The following IL1RAPL2 variants were observed in gnomAD, a reference collection of about 807,000 sequenced individuals.
The protein encoded by IL1RAPL2 is interleukin 1 receptor accessory protein like 2.
IL1RAPL2 carries 3 observed loss-of-function variants against 44.1 expected under a neutral mutation model. The observed-to-expected ratio is 0.07, with a 90% CI of 0.03 to 0.18. The LOEUF (loss-of-function observed/expected upper bound fraction) is 0.18. IL1RAPL2 is among the 10% of genes least tolerant of loss of function. The pLI, the probability that IL1RAPL2 is intolerant of heterozygous loss-of-function variation, is 1.00. For missense variants in IL1RAPL2, 391 were observed against 496.4 expected, an observed-to-expected ratio of 0.79 and a Z score of 2.02; for synonymous variants, 181 against 178.8, an observed-to-expected ratio of 1.01 and a Z score of -0.10.
chrX:105,291,851 C>T (rs1054782839), intron 5 of IL1RAPL2, among the ~76,000 whole-genome samples: 16 of 111,371 alleles, frequency 1.4e-4, no homozygotes, highest in African/African-American at 4.2e-4. Flanking sequence ...CAATTTTGAA[C>T]TGCACAGGTC....
Position 105,097,577 on chromosome X carries a change from C to T in IL1RAPL2, c.83-97898C>T, listed in dbSNP as rs1282967863. 2.7e-5 allele frequency among the ~76,000 whole-genome samples: 3 copies of T among 111,335 alleles called. No individual in the cohort carries two copies. The Admixed American group carries it at 2.9e-4, about 11-fold the overall frequency. On this transcript the variant is annotated intron_variant, in intron 2 of 10. Transcript: ENST00000372582. The stretch of plus-strand genomic sequence containing the variant: ...ATTTCAGCTGAAATTGTATATCTGT[C>T]TGCTGCCACTTTATAAAATTTTTCA...
At chrX:105,088,199 C>A (rs866262110) in intron 2 of IL1RAPL2, among the ~76,000 whole-genome samples, 2 of 111,779 alleles carry the variant, frequency 1.8e-5, no homozygotes, top group Non-Finnish European at 3.8e-5. Flanking sequence ...CCAAGCTGAA[C>A]TGCTGATAAA....
At chrX:105,569,011 G>T (rs1396924487) in intron 6 of IL1RAPL2, among the ~76,000 whole-genome samples, 1 of 111,267 alleles carries the variant, frequency 9.0e-6, no homozygotes, top group East Asian at 2.8e-4. Context: ...ACCATCTCAA[G>T]AAAGTAATGT....
intron 5 of IL1RAPL2, among the ~76,000 whole-genome samples, chrX:105,301,687 T>G (rs147762725): frequency 4.0e-3 from 454 of 112,141 alleles, no homozygotes; most frequent in Middle Eastern, 0.028. Context: ...TCCATGTTGT[T>G]GCAATTGACT....
rs1443489255 is a variant in IL1RAPL2, at chrX:105,094,933, C to T, written c.83-100542C>T. ...TTTATTCCTAAGTATTTTTTTCATG[C>T]TATTACTAATGGGATTGTTTTCTTA... On this transcript the variant is annotated intron_variant, in intron 2 of 10. Transcript: ENST00000372582. Among the ~76,000 whole-genome samples the T allele has an allele frequency of 5.4e-5, 6 of 110,999 alleles. No individual in the cohort carries two copies. In the Admixed American group the frequency reaches 5.8e-4, roughly 11 times the overall value.
chrX:105,292,464 T>G (rs1008180544), intron 5 of IL1RAPL2, among the ~76,000 whole-genome samples: 1 of 112,042 alleles, frequency 8.9e-6, no homozygotes, highest in Admixed American at 9.5e-5. Context: ...TTCCTTATTT[T>G]CCGACTACTT....
chrX:105,277,231 A>G (rs749868204), intron 5 of IL1RAPL2, among the ~76,000 whole-genome samples: 5 of 112,452 alleles, frequency 4.4e-5, no homozygotes, highest in Non-Finnish European at 3.8e-5. Context: ...TCACATGAAC[A>G]TGTACCTCAT....
intron 3 of IL1RAPL2, among the ~76,000 whole-genome samples, chrX:105,210,783 G>T (rs181256122): frequency 2.7e-5 from 3 of 111,335 alleles, no homozygotes; most frequent in African/African-American, 9.8e-5. Context: ...ACATCTAGCT[G>T]CTGCAGAGAT....
At chrX:104,818,135 T>C (rs923891304) in intron 2 of IL1RAPL2, among the ~76,000 whole-genome samples, 2 of 109,057 alleles carry the variant, frequency 1.8e-5, no homozygotes, top group African/African-American at 6.7e-5. Context: ...GGCGGGAGGA[T>C]CATGAGGTCA....
intron 2 of IL1RAPL2, among the ~76,000 whole-genome samples, chrX:105,085,033 C>T (rs2032462455): frequency 8.9e-6 from 1 of 112,013 alleles, no homozygotes; most frequent in Admixed American, 9.5e-5. Context: ...GCTTTCTCTT[C>T]CACCATAATT....
intron 5 of IL1RAPL2, among the ~76,000 whole-genome samples, chrX:105,447,671 A>C (rs1457497841): frequency 1.2e-5 from 1 of 82,967 alleles, no homozygotes; most frequent in Non-Finnish European, 2.1e-5. Flanking sequence ...ATATAAATAT[A>C]TATAAATATA....
intron 5 of IL1RAPL2, among the ~76,000 whole-genome samples, chrX:105,316,056 C>G (rs2034838678): frequency 9.0e-6 from 1 of 110,775 alleles, no homozygotes; most frequent in Non-Finnish European, 1.9e-5. Context: ...GGCGGATCAC[C>G]TGAGGTCAGG....
intron 1 of IL1RAPL2, among the ~76,000 whole-genome samples, chrX:104,646,545 G>A (rs973577121): frequency 5.4e-5 from 6 of 110,658 alleles, no homozygotes; most frequent in African/African-American, 1.6e-4. Flanking sequence ...GGTATCAGTC[G>A]GAATAATTTA....
chrX:104,658,194 A>G (rs1297194041), intron 1 of IL1RAPL2, among the ~76,000 whole-genome samples: 2 of 112,367 alleles, frequency 1.8e-5, no homozygotes, highest in Admixed American at 9.4e-5. Flanking sequence ...ACTGTTCACA[A>G]TAGCAGACTT....
At chrX:105,017,061 A>G (rs766329829) in intron 2 of IL1RAPL2, among the ~76,000 whole-genome samples, 10 of 110,948 alleles carry the variant, frequency 9.0e-5, no homozygotes, top group African/African-American at 2.3e-4. Flanking sequence ...GAATTTTTTC[A>G]TTTCTTCTAG....
chrX:104,620,849 A>G (rs1929380507), intron 1 of IL1RAPL2, among the ~76,000 whole-genome samples: 2 of 105,069 alleles, frequency 1.9e-5, no homozygotes, highest in Admixed American at 2.1e-4. Flanking sequence ...TCAAATGTCA[A>G]GCATCTCAAG....
At chrX:104,585,352 T>TAA (rs1928527094) in intron 1 of IL1RAPL2, among the ~76,000 whole-genome samples, 1 of 13,646 alleles carries the variant, frequency 7.3e-5, no homozygotes, top group African/African-American at 4.1e-4. Flanking sequence ...ATTATATATA[T>TAA]TATATATATT....
At chrX:105,545,877 A>G (rs1167547262) in intron 6 of IL1RAPL2, among the ~76,000 whole-genome samples, 1 of 111,852 alleles carries the variant, frequency 8.9e-6, no homozygotes, top group Non-Finnish European at 1.9e-5. Flanking sequence ...CCATGTGTGC[A>G]GCCTCAGGGT....
chrX:105,180,194 A>C (rs2033516306), intron 2 of IL1RAPL2, among the ~76,000 whole-genome samples: 1 of 109,998 alleles, frequency 9.1e-6, no homozygotes, highest in Non-Finnish European at 1.9e-5. Context: ...AAAATTAGCC[A>C]GGTGTGGTGG....
Sources: gnomAD v4.1 joint callset for allele counts (sites outside exome capture counted in the v4.1 genomes callset) on GRCh38, gnomAD v4.1.1 for gene constraint, MANE v1.5 for transcripts, NCBI Gene and HGNC (gene_info 2026-07-23, HGNC 2026-07-21) for gene names.